Variants in NMD3 observed in about 807,000 individuals in gnomAD.
NMD3 encodes NMD3 ribosome export adaptor.
NMD3 carries 47 observed loss-of-function variants against 73.1 expected under a neutral mutation model. That is an observed-to-expected ratio of 0.64 (90% CI 0.51 to 0.82). NMD3 has a LOEUF of 0.82. Ranked by LOEUF, NMD3 falls within the 40% of genes least tolerant of loss-of-function variation. The pLI is 0.00. For synonymous variants in NMD3, 210 were observed against 194.5 expected (o/e 1.08, Z -0.66); for missense variants, 554 against 612.5 (o/e 0.90, Z 1.01).
Position 161,233,481 on chromosome 3 carries a change from TA to T in NMD3, c.357+4del. The T allele has an allele frequency of 6.3e-7, 1 of 1,579,422 alleles. No individual in the cohort carries two copies. The highest frequency in any genetic ancestry group is 1.1e-5 in the South Asian group (1 of 87,992). On this transcript the variant is annotated splice_donor_region_variant and intron_variant, in intron 5 of 15. Coordinates refer to ENST00000351193, the MANE Select transcript of NMD3 (RefSeq NM_015938.5). ...GTTAAACTGACTATTCAGAAAGAGG[TA>T]AGCAGTACATAATTTTCTCAGCATG...
chr3:161,224,464 G>A (rs2108073396), intron 2 of NMD3, among the ~76,000 whole-genome samples: 1 of 152,134 alleles, frequency 6.6e-6, no homozygotes, highest in Admixed American at 6.5e-5. Flanking sequence ...TTTATCTACT[G>A]CATCTTTGAA....
rs568539998 is a variant in NMD3, at chr3:161,244,111, A to G, written c.1017+1458A>G. Among the ~76,000 whole-genome samples, 10 of 152,254 alleles carry G rather than the reference A, an allele frequency of 6.6e-5. No individual in the cohort carries two copies. The South Asian group carries it at 2.1e-3, about 32-fold the overall frequency. On this transcript the variant is annotated intron_variant, in intron 11 of 15. Transcript: ENST00000351193. ...ACTAGGGGTTATGTAGCTTTCCTGA[A>G]ATGCTCGCCTGCATACATTCTTTTA...
At position 161,225,851 on chromosome 3, in the gene NMD3, AAT is replaced by A. The variant is rs530058584; in HGVS notation, c.179+794_179+795del. ...GTGTGTGTGTGTGTATATATGTAAA[AAT>A]ATATATGTGTGTGTGTGTATATATA... On this transcript the variant is annotated intron_variant, in intron 3 of 15. Coordinates refer to ENST00000351193, the MANE Select transcript of NMD3 (RefSeq NM_015938.5). Among the ~76,000 whole-genome samples the A allele has an allele frequency of 2.0e-3, 300 of 152,044 alleles. 1 individual carries two copies. Among genetic ancestry groups the A allele is most frequent in the Non-Finnish European group, 3.1e-3 (210 of 67,960 alleles).
intron 4 of NMD3, among the ~76,000 whole-genome samples, chr3:161,233,177 A>G (rs978517913): frequency 4.0e-5 from 6 of 151,426 alleles, no homozygotes; most frequent in Non-Finnish European, 7.4e-5. Context: ...TTTTGCTTAA[A>G]TTATATCAGT....
Position 161,234,722 on chromosome 3 carries a change from A to G in NMD3, c.358-5A>G. 6.2e-7 allele frequency: 1 copy of G among 1,602,702 alleles called. No individual in the cohort carries two copies. The highest frequency in any genetic ancestry group is 8.5e-7 in the Non-Finnish European group (1 of 1,173,966). ...AAGAATGAAGGAGTGTAATTGTTTT[A>G]TCAGGTGATGAATGGTGCTATCCTT... is the stretch of plus-strand genomic sequence containing the variant. On this transcript the variant is annotated splice_polypyrimidine_tract_variant and splice_region_variant and intron_variant, in intron 5 of 15. Coordinates refer to ENST00000351193, the MANE Select transcript of NMD3 (RefSeq NM_015938.5).
chr3:161,225,677 G>A (rs1736283906), intron 3 of NMD3, among the ~76,000 whole-genome samples: 1 of 152,274 alleles, frequency 6.6e-6, no homozygotes, highest in South Asian at 2.1e-4. Flanking sequence ...ACTGCCTAAT[G>A]AGTGTAAAAG....
chr3:161,224,842 T>G (rs1190360547), intron 2 of NMD3, 88 bp from the exon 3 acceptor site: 6 of 1,323,470 alleles, frequency 4.5e-6, no homozygotes, highest in South Asian at 1.5e-5. Flanking sequence ...TGGCCTAACT[T>G]GAAGGCTTTT....
At chr3:161,247,789 C>CAAA (rs71302250) in intron 13 of NMD3, among the ~76,000 whole-genome samples, 4 of 137,376 alleles carry the variant, frequency 2.9e-5, no homozygotes, top group African/African-American at 1.1e-4. Flanking sequence ...AACTCAGTCT[C>CAAA]AAAAAAAAAA....
intron 13 of NMD3, among the ~76,000 whole-genome samples, chr3:161,247,878 G>C (rs1034415021): frequency 6.6e-6 from 1 of 151,678 alleles, no homozygotes; most frequent in Admixed American, 6.6e-5. Context: ...AAAATTCTGA[G>C]CTCAAGTAAT....
intron 4 of NMD3, 30 bp downstream of exon 4, chr3:161,227,373 T>C (rs1736360771): frequency 7.6e-7 from 1 of 1,321,284 alleles, no homozygotes. Flanking sequence ...TCAGTATTCA[T>C]AGGTATGTTT....
At chr3:161,247,006 T>C (rs1450871164) in intron 12 of NMD3, among the ~76,000 whole-genome samples, 2 of 152,154 alleles carry the variant, frequency 1.3e-5, no homozygotes, top group Non-Finnish European at 2.9e-5. Context: ...TGGACTGATA[T>C]GTAAGTCTGT....
chr3:161,228,574 GT>G (rs1245605745), intron 4 of NMD3, among the ~76,000 whole-genome samples: 2 of 151,082 alleles, frequency 1.3e-5, no homozygotes, highest in South Asian at 2.1e-4. Context: ...ATTTGTCTCT[GT>G]TTTTTTATGA....
chr3:161,242,720 T>G, intron 11 of NMD3, 67 bp downstream of exon 11: 1 of 1,492,852 alleles, frequency 6.7e-7, no homozygotes, highest in Non-Finnish European at 9.0e-7. Context: ...CAGTCCCTCT[T>G]TTAAAAAAAA....
At chr3:161,245,903 T>C (rs1339429513) in intron 11 of NMD3, among the ~76,000 whole-genome samples, 2 of 152,154 alleles carry the variant, frequency 1.3e-5, no homozygotes, top group Non-Finnish European at 2.9e-5. Context: ...CTGTTTTGTC[T>C]GGACCCTGAT....
At chr3:161,243,013 G>A (rs909346753) in intron 11 of NMD3, among the ~76,000 whole-genome samples, 1 of 152,022 alleles carries the variant, frequency 6.6e-6, no homozygotes, top group Non-Finnish European at 1.5e-5. Flanking sequence ...ATACTTCAGT[G>A]TGCATCTCTC....
At chr3:161,234,284 T>A (rs536502142) in intron 5 of NMD3, among the ~76,000 whole-genome samples, 18 of 151,902 alleles carry the variant, frequency 1.2e-4, no homozygotes, top group East Asian at 7.7e-4. Context: ...CTACTAAAAA[T>A]ACAAAAGTTA....
chr3:161,228,855 A>G (rs1202515229), intron 4 of NMD3, among the ~76,000 whole-genome samples: 1 of 152,194 alleles, frequency 6.6e-6, no homozygotes, highest in Non-Finnish European at 1.5e-5. Flanking sequence ...TACATGGTAT[A>G]TTAAAAGGTA....
At chr3:161,248,999 A>G (rs1049157802) in intron 13 of NMD3, among the ~76,000 whole-genome samples, 3 of 152,192 alleles carry the variant, frequency 2.0e-5, no homozygotes, top group African/African-American at 7.2e-5. Context: ...ATTTTGTAAA[A>G]TTATTTTCAT....
At chr3:161,243,853 T>C (rs1737087515) in intron 11 of NMD3, among the ~76,000 whole-genome samples, 1 of 152,188 alleles carries the variant, frequency 6.6e-6, no homozygotes, top group Non-Finnish European at 1.5e-5. Flanking sequence ...GATTCCTCCA[T>C]TGTAATGTTA....
Sources: gnomAD v4.1 joint callset for allele counts (sites outside exome capture counted in the v4.1 genomes callset) on GRCh38, gnomAD v4.1.1 for gene constraint, MANE v1.5 for transcripts, NCBI Gene and HGNC (gene_info 2026-07-23, HGNC 2026-07-21) for gene names.